BTC: variants seen among roughly 807,000 people sequenced by gnomAD.
BTC encodes betacellulin.
Under a neutral mutation model 18.1 loss-of-function variants are expected in BTC, and 13 were observed. The observed-to-expected ratio is 0.72, with a 90% CI of 0.47 to 1.14. The LOEUF (loss-of-function observed/expected upper bound fraction) is 1.14. Ranked by LOEUF, BTC falls within the 50% of genes most tolerant of loss-of-function variation. The probability of loss-of-function intolerance (pLI) is 0.00; values close to 1 mark genes in which losing one functional copy is unlikely to be tolerated. For synonymous variants in BTC, 83 were observed against 79.4 expected (o/e 1.05, Z -0.24); for missense variants, 247 against 224.2 (o/e 1.10, Z -0.65).
At chr4:74,769,423 G>C (rs1452113424) in intron 2 of BTC, among the ~76,000 whole-genome samples, 1 of 152,054 alleles carries the variant, frequency 6.6e-6, no homozygotes, top group African/African-American at 2.4e-5. Context: ...CTATTCATTT[G>C]CATAGTGTCT....
intron 2 of BTC, among the ~76,000 whole-genome samples, chr4:74,760,356 A>G (rs1724719992): frequency 6.6e-6 from 1 of 152,230 alleles, no homozygotes; most frequent in Admixed American, 6.5e-5. Flanking sequence ...CCACACATAT[A>G]GGAAGTAGAG....
At chr4:74,775,093 T>C (rs112782321) in intron 1 of BTC, among the ~76,000 whole-genome samples, 5,313 of 152,162 alleles carry the variant, frequency 0.035, 140 homozygotes, top group South Asian at 0.14. Flanking sequence ...AGGTTGAGCA[T>C]AGAGAGGAAT....
chr4:74,787,096 A>G (rs1272861849), intron 1 of BTC, among the ~76,000 whole-genome samples: 1 of 145,284 alleles, frequency 6.9e-6, no homozygotes, highest in East Asian at 1.9e-4. Context: ...GGCACTCCTT[A>G]TGCAACTCTT....
intron 1 of BTC, among the ~76,000 whole-genome samples, chr4:74,779,773 GC>G (rs1186519605): frequency 3.9e-5 from 6 of 152,032 alleles, no homozygotes; most frequent in Non-Finnish European, 8.8e-5. Context: ...ACCTGAAAAA[GC>G]CCCAGAACTT....
intron 1 of BTC, among the ~76,000 whole-genome samples, chr4:74,783,167 C>A (rs557137984): frequency 1.8e-4 from 28 of 152,262 alleles, no homozygotes; most frequent in African/African-American, 5.1e-4. Context: ...GTCATGAAAT[C>A]TTTGTCCATG....
chr4:74,791,328 T>C (rs1725619900), intron 1 of BTC, among the ~76,000 whole-genome samples: 1 of 149,922 alleles, frequency 6.7e-6, no homozygotes, highest in Admixed American at 6.6e-5. Flanking sequence ...AGCGAAAGAG[T>C]GAGACTGTCT....
intron 2 of BTC, 21 bp downstream of exon 2, chr4:74,770,037 A>T (rs746233903): frequency 1.3e-6 from 2 of 1,573,286 alleles, no homozygotes; most frequent in East Asian, 4.5e-5. Flanking sequence ...AGATTTGAAT[A>T]TAAAACTTGT....
At chr4:74,786,038 C>T (rs900930478) in intron 1 of BTC, among the ~76,000 whole-genome samples, 11 of 152,142 alleles carry the variant, frequency 7.2e-5, no homozygotes, top group African/African-American at 2.7e-4. Context: ...AATTATAAAG[C>T]TTCCCCAAAA....
intron 1 of BTC, among the ~76,000 whole-genome samples, chr4:74,777,860 A>G (rs1725217958): frequency 6.6e-6 from 1 of 152,164 alleles, no homozygotes; most frequent in South Asian, 2.1e-4. Flanking sequence ...CTAATTTTTA[A>G]AAAATAAAAT....
chr4:74,770,126 T>C lies in BTC; in HGVS notation c.95A>G (p.Asp32Gly), dbSNP rs1560717553. Residue 32 changes from aspartate to glycine, a missense_variant, in exon 2 of 6, where the codon GAT (aspartate) becomes GGT (glycine). By Grantham distance (94) the Asp-to-Gly change is moderately conservative. Coordinates refer to ENST00000395743, the MANE Select transcript of BTC (RefSeq NM_001729.4). The stretch of plus-strand genomic sequence containing the variant: ...TTCAGGACTTCTGGTGGAATTCCCA[T>C]CTGCCACCACACAGTGAAGGATCAC... ...GLVILHCVVADGNSTRSPETN... is the reference protein window; with the variant it reads ...GLVILHCVVAGGNSTRSPETN... 2 of 1,613,252 alleles carry C rather than the reference T, an allele frequency of 1.2e-6. No homozygotes were observed. Among genetic ancestry groups the C allele is most frequent in the African/African-American group, 1.3e-5 (1 of 74,956 alleles).
chr4:74,757,962 T>C (rs1724647189), intron 2 of BTC, among the ~76,000 whole-genome samples: 1 of 152,202 alleles, frequency 6.6e-6, no homozygotes, highest in African/African-American at 2.4e-5. Context: ...AGTAAACTCC[T>C]CAGTAAATGA....
chr4:74,752,594 T>C (rs566480128), intron 3 of BTC, among the ~76,000 whole-genome samples: 1 of 152,178 alleles, frequency 6.6e-6, no homozygotes, highest in South Asian at 2.1e-4. Flanking sequence ...TTAGCCAGGA[T>C]GGTCTCAATC....
At chr4:74,786,680 A>T (rs1031956505) in intron 1 of BTC, among the ~76,000 whole-genome samples, 6 of 152,228 alleles carry the variant, frequency 3.9e-5, no homozygotes, top group Non-Finnish European at 1.5e-5. Context: ...TAAATAAACC[A>T]CTGGAGAGTG....
rs1724296065 is a variant in BTC, at chr4:74,746,580, G to A, written c.*97C>T. 6.6e-6 allele frequency: 1 copy of A among 152,496 alleles called. No homozygotes were observed. Among genetic ancestry groups the A allele is most frequent in the African/African-American group, 2.4e-5 (1 of 41,398 alleles). 9.4% of individuals were successfully genotyped at this position (152,496 alleles called of 1,614,324 possible). A position where few individuals can be genotyped will look rare whatever the true frequency, so the allele number is the denominator to read the frequency against. The stretch of plus-strand genomic sequence containing the variant: ...AGTAAATACATTATTTAAAATTCAT[G>A]TCTACTAGCTGTTTTCCTGAGACAC... On this transcript the variant is annotated 3_prime_UTR_variant, in exon 6 of 6. Transcript: ENST00000395743.
At chr4:74,764,939 T>C (rs1393142715) in intron 2 of BTC, among the ~76,000 whole-genome samples, 1 of 151,978 alleles carries the variant, frequency 6.6e-6, no homozygotes, top group East Asian at 1.9e-4. Context: ...ATGTCTTACA[T>C]GGCAGCAGGC....
chr4:74,783,416 G>A (rs1248914264), intron 1 of BTC, among the ~76,000 whole-genome samples: 2 of 152,040 alleles, frequency 1.3e-5, no homozygotes, highest in Non-Finnish European at 1.5e-5. Context: ...TTGTATCTGT[G>A]TGGTCTTATC....
At chr4:74,748,472 C>G (rs1391913967) in intron 4 of BTC, among the ~76,000 whole-genome samples, 1 of 151,714 alleles carries the variant, frequency 6.6e-6, no homozygotes, top group Non-Finnish European at 1.5e-5. Context: ...GGAGGCGGAG[C>G]TTGCAGTGAG....
At chr4:74,759,152 C>T (rs1420670582) in intron 2 of BTC, among the ~76,000 whole-genome samples, 1 of 152,056 alleles carries the variant, frequency 6.6e-6, no homozygotes, top group East Asian at 1.9e-4. Context: ...ATCATGAGAC[C>T]TGATAATATA....
chr4:74,753,238 C>T (rs559914155), intron 3 of BTC, among the ~76,000 whole-genome samples: 1 of 152,110 alleles, frequency 6.6e-6, no homozygotes, highest in Middle Eastern at 3.4e-3. Context: ...CAAAATTGGG[C>T]GTTGGGATCA....
Sources: allele counts gnomAD v4.1 joint callset (sites outside exome capture counted in the v4.1 genomes callset), GRCh38; gene constraint gnomAD v4.1.1; transcripts MANE v1.5; gene names NCBI Gene and HGNC (gene_info 2026-07-23, HGNC 2026-07-21).